UCK2: variants seen among roughly 807,000 people sequenced by gnomAD.
The protein encoded by UCK2 is cytidine monophosphokinase 2.
In UCK2, 6 loss-of-function variants were observed where a neutral mutation model predicts 30.8. The observed-to-expected ratio is 0.19, with a 90% confidence interval of 0.11 to 0.38. The LOEUF (loss-of-function observed/expected upper bound fraction) is 0.38, where lower values mean the gene tolerates loss of function less well. Ranked by LOEUF, UCK2 falls within the 10% of genes least tolerant of loss-of-function variation. The probability of loss-of-function intolerance (pLI) is 1.00; values close to 1 mark genes in which losing one functional copy is unlikely to be tolerated. For missense variants in UCK2, 210 were observed against 339.8 expected (o/e 0.62, Z 3.00); for synonymous variants, 125 against 133.6 (o/e 0.94, Z 0.45).
Position 165,911,538 on chromosome 1 carries a change from A to G in UCK2, c.*3715A>G, listed in dbSNP as rs1647858907. On this transcript the variant is annotated 3_prime_UTR_variant, in exon 7 of 7. Coordinates refer to ENST00000367879, the MANE Select transcript of UCK2 (RefSeq NM_012474.5). ...GCTTGCTCCTCTCCCTTTTCTTTTT[A>G]CCACCCTACCTTTATTGTTAGTGGT... 2 of 151,768 alleles carry G rather than the reference A, an allele frequency of 1.3e-5. No homozygotes were observed. Among genetic ancestry groups the G allele is most frequent in the South Asian group, 4.2e-4 (2 of 4,800 alleles). 9.4% of individuals were successfully genotyped at this position (151,768 alleles called of 1,614,324 possible). A position where few individuals can be genotyped will look rare whatever the true frequency, so the allele number is the denominator to read the frequency against.
At chr1:165,828,193 C>G (rs1191365359) in intron 1 of UCK2, among the ~76,000 whole-genome samples, 1 of 152,096 alleles carries the variant, frequency 6.6e-6, no homozygotes, top group Non-Finnish European at 1.5e-5. Flanking sequence ...GCTTTTCTCC[C>G]CCCGCGTTAA....
chr1:165,903,668 C>A (rs10918308), intron 5 of UCK2, among the ~76,000 whole-genome samples: 19,525 of 152,226 alleles, frequency 0.13, 1,534 homozygotes, highest in South Asian at 0.32. Flanking sequence ...TATGGATGCA[C>A]TGGGTGCTGT....
intron 1 of UCK2, among the ~76,000 whole-genome samples, chr1:165,887,976 T>A (rs759069944): frequency 3.9e-5 from 6 of 152,208 alleles, no homozygotes; most frequent in Non-Finnish European, 7.3e-5. Flanking sequence ...ATAAATTGTT[T>A]GCAAATAATT....
intron 1 of UCK2, among the ~76,000 whole-genome samples, chr1:165,873,340 C>T (rs994678536): frequency 1.3e-5 from 2 of 152,218 alleles, no homozygotes; most frequent in African/African-American, 4.8e-5. Context: ...CTGATGGCCA[C>T]CGTCTTGGAC....
chr1:165,880,562 TGGGGGTGTGTGTGTGTGTGTGTGTG>T (rs1375569312), intron 1 of UCK2, among the ~76,000 whole-genome samples: 5 of 115,812 alleles, frequency 4.3e-5, no homozygotes, highest in Non-Finnish European at 8.8e-5. Context: ...CAGTTTTTTT[TGGGGGTGTGTGTGTGTGTGTGTGTG>T]TGTGTGTGTG....
chr1:165,841,493 C>T (rs576345433), intron 1 of UCK2, among the ~76,000 whole-genome samples: 5 of 152,264 alleles, frequency 3.3e-5, no homozygotes, highest in Non-Finnish European at 5.9e-5. Context: ...GCCTGTACTA[C>T]TTCTTTAATC....
At chr1:165,866,473 C>T (rs1014703786) in intron 1 of UCK2, among the ~76,000 whole-genome samples, 1 of 152,130 alleles carries the variant, frequency 6.6e-6, no homozygotes, top group Admixed American at 6.5e-5. Context: ...TTGATATATT[C>T]AGTTTAGTGG....
intron 1 of UCK2, among the ~76,000 whole-genome samples, chr1:165,831,512 T>A (rs761731704): frequency 5.3e-5 from 8 of 152,242 alleles, no homozygotes; most frequent in African/African-American, 1.9e-4. Context: ...GGTGTCATTC[T>A]GTTTCCTTTT....
intron 1 of UCK2, among the ~76,000 whole-genome samples, chr1:165,836,290 AACATCTTG>A (rs1654189843): frequency 6.6e-6 from 1 of 152,162 alleles, no homozygotes; most frequent in African/African-American, 2.4e-5. Context: ...TTTTGAAGAA[AACATCTTG>A]ATGAGATAGA....
intron 1 of UCK2, among the ~76,000 whole-genome samples, chr1:165,846,567 A>G (rs1335491711): frequency 6.6e-6 from 1 of 152,158 alleles, no homozygotes; most frequent in African/African-American, 2.4e-5. Flanking sequence ...TTAGCCTGGG[A>G]TCCATGGATA....
chr1:165,871,972 A>T (rs2101871121), intron 1 of UCK2, among the ~76,000 whole-genome samples: 1 of 152,292 alleles, frequency 6.6e-6, no homozygotes, highest in African/African-American at 2.4e-5. Context: ...TGAGGACAGG[A>T]TATCAACAAA....
In UCK2 at chr1:165,896,317, C is replaced by T; in HGVS notation, c.484C>T (p.Arg162Trp). 6.2e-7 allele frequency: 1 copy of T among 1,614,112 alleles called. No homozygotes were observed. Among genetic ancestry groups the T allele is most frequent in the Non-Finnish European group, 8.5e-7 (1 of 1,180,020 alleles). Residue 162 changes from arginine (R) to tryptophan (W), a missense_variant, in exon 4 of 7, where the codon CGG becomes TGG. Transcript: ENST00000367879. ...TTTTGTGGATACAGATGCGGACACC[C>T]GGCTCTCACGCAGAGGTGCGTTCTA... The part of the protein sequence containing the change: ...KLFVDTDADT[R>W]LSRRVLRDIS...
At chr1:165,883,355 G>A (rs1655546460) in intron 1 of UCK2, among the ~76,000 whole-genome samples, 1 of 152,146 alleles carries the variant, frequency 6.6e-6, no homozygotes. Flanking sequence ...AGGACTGATG[G>A]CTTGAGTCCA....
chr1:165,882,512 A>C (rs1047186370), intron 1 of UCK2, among the ~76,000 whole-genome samples: 1 of 152,196 alleles, frequency 6.6e-6, no homozygotes, highest in Non-Finnish European at 1.5e-5. Flanking sequence ...GTGATTCATG[A>C]AGAACAGAAA....
intron 1 of UCK2, among the ~76,000 whole-genome samples, chr1:165,876,241 T>G (rs936861318): frequency 1.3e-5 from 2 of 152,244 alleles, no homozygotes; most frequent in Non-Finnish European, 2.9e-5. Flanking sequence ...TTCACACATC[T>G]GCAGCCTAGT....
chr1:165,882,907 C>T (rs769751420), intron 1 of UCK2, among the ~76,000 whole-genome samples: 1 of 152,184 alleles, frequency 6.6e-6, no homozygotes, highest in Admixed American at 6.5e-5. Flanking sequence ...TCACTGTAAC[C>T]TCTGCCTCCC....
chr1:165,900,959 T>C (rs1647438923), intron 4 of UCK2, among the ~76,000 whole-genome samples: 1 of 152,234 alleles, frequency 6.6e-6, no homozygotes, highest in South Asian at 2.1e-4. Context: ...GGGCTTTATC[T>C]GGAGACGTGT....
At chr1:165,867,657 T>TGCAACAA (rs1288323332) in intron 1 of UCK2, among the ~76,000 whole-genome samples, 17 of 152,340 alleles carry the variant, frequency 1.1e-4, no homozygotes, top group African/African-American at 4.1e-4. Context: ...TTGTTCACAT[T>TGCAACAA]TTATTATGAG....
chr1:165,886,865 AG>A (rs1348607226), intron 1 of UCK2, among the ~76,000 whole-genome samples: 1 of 152,244 alleles, frequency 6.6e-6, no homozygotes, highest in Non-Finnish European at 1.5e-5. Flanking sequence ...TGTACATGTC[AG>A]CCAGATTCAA....
Sources: allele counts gnomAD v4.1 joint callset (sites outside exome capture counted in the v4.1 genomes callset), GRCh38; gene constraint gnomAD v4.1.1; transcripts MANE v1.5; gene names NCBI Gene and HGNC (gene_info 2026-07-23, HGNC 2026-07-21).